The following DNAAF11 variants were observed in gnomAD, a reference collection of about 807,000 sequenced individuals.
The protein encoded by DNAAF11 is leucine rich repeat containing 6.
In DNAAF11, 45 loss-of-function variants were observed where a neutral mutation model predicts 60.8. That is an observed-to-expected ratio of 0.74 (90% confidence interval 0.58 to 0.95). DNAAF11 has a LOEUF of 0.95. DNAAF11 is among the 40% of genes least tolerant of loss of function. The probability of loss-of-function intolerance (pLI) is 0.00; values close to 1 mark genes in which losing one functional copy is unlikely to be tolerated. For synonymous variants in DNAAF11, 191 were observed against 183.5 expected, an observed-to-expected ratio of 1.04 and a Z score of -0.33; for missense variants, 546 against 546.2, an observed-to-expected ratio of 1.00 and a Z score of 0.00.
At chr8:132,697,940 T>C in the DNAAF11 span, among the ~76,000 whole-genome samples, 2 of 152,118 alleles carry the variant, frequency 1.3e-5, no homozygotes, top group East Asian at 3.9e-4. Flanking sequence ...ACAATAAGAA[T>C]GGGACAGAAA....
chr8:132,694,168 G>A, the DNAAF11 span, among the ~76,000 whole-genome samples: 4 of 152,296 alleles, frequency 2.6e-5, no homozygotes, highest in East Asian at 7.7e-4. Flanking sequence ...CCAACTGAAG[G>A]ATCCTGTGCA....
At chr8:132,620,131 G>C (rs1819608496) in intron 7 of DNAAF11, among the ~76,000 whole-genome samples, 1 of 152,112 alleles carries the variant, frequency 6.6e-6, no homozygotes, top group African/African-American at 2.4e-5. Context: ...AAGATTGCCA[G>C]AGTCCATCTG....
In DNAAF11 at chr8:132,622,705, G is replaced by C. The variant is rs1328731142; in HGVS notation, c.837-17C>G. 14 of 1,566,252 alleles carry C rather than the reference G, an allele frequency of 8.9e-6. No individual in the cohort carries two copies. The highest frequency in any genetic ancestry group is 1.1e-5 in the Non-Finnish European group (13 of 1,137,426). ...TTTTTTTCACTTAAGATTGGTGGTG[G>C]ATGAGAACAATGGGCAGCATGGAAA... On this transcript the variant is annotated splice_polypyrimidine_tract_variant and intron_variant, in intron 6 of 11. Transcript: ENST00000620350.
At chr8:132,699,134 G>GA in the DNAAF11 span, among the ~76,000 whole-genome samples, 420 of 133,720 alleles carry the variant, frequency 3.1e-3, 1 homozygote, top group African/African-American at 9.1e-3. Flanking sequence ...GTCTCAAAAA[G>GA]AAAAAAAAAA....
the DNAAF11 span, among the ~76,000 whole-genome samples, chr8:132,682,255 A>T: frequency 3.9e-5 from 6 of 152,272 alleles, no homozygotes; most frequent in South Asian, 1.2e-3. Context: ...TGGACCCCTG[A>T]GGCTCCATGT....
At chr8:132,671,985 A>G (rs1002453137) in intron 1 of DNAAF11, among the ~76,000 whole-genome samples, 5 of 152,182 alleles carry the variant, frequency 3.3e-5, no homozygotes, top group African/African-American at 1.2e-4. Flanking sequence ...ATCAAAAGCA[A>G]GATCTATAAA....
intron 10 of DNAAF11, among the ~76,000 whole-genome samples, chr8:132,592,962 G>A (rs1010262671): frequency 3.9e-5 from 6 of 152,022 alleles, no homozygotes; most frequent in Admixed American, 6.6e-5. Flanking sequence ...TTAAAAGTCC[G>A]TCATATTTAG....
Position 132,572,271 on chromosome 8 carries a change from G to A in DNAAF11, c.*35C>T. 1 of 1,592,348 alleles carries A rather than the reference G, an allele frequency of 6.3e-7. No homozygotes were observed. The highest frequency in any genetic ancestry group is 8.6e-7 in the Non-Finnish European group (1 of 1,169,008). ...TCTACACCAACCAAAACTGGACCTG[G>A]TGGGTCTCAGCCAATGGCAACGCAG... On this transcript the variant is annotated 3_prime_UTR_variant, in exon 12 of 12. Coordinates refer to ENST00000620350, the MANE Select transcript of DNAAF11 (RefSeq NM_012472.6).
intron 11 of DNAAF11, among the ~76,000 whole-genome samples, chr8:132,581,712 G>A (rs1472020294): frequency 1.3e-5 from 2 of 150,708 alleles, no homozygotes; most frequent in African/African-American, 4.9e-5. Flanking sequence ...CAAGCCTGAG[G>A]TTTCATAATC....
chr8:132,658,147 C>A (rs1204287690), intron 2 of DNAAF11, among the ~76,000 whole-genome samples: 1 of 152,112 alleles, frequency 6.6e-6, no homozygotes, highest in Non-Finnish European at 1.5e-5. Context: ...TTTCCATAGA[C>A]CTGAACATAA....
At chr8:132,701,097 A>G in the DNAAF11 span, among the ~76,000 whole-genome samples, 2 of 152,174 alleles carry the variant, frequency 1.3e-5, no homozygotes, top group African/African-American at 4.8e-5. Flanking sequence ...AACCTTGTCT[A>G]TGAAGAGGGA....
chr8:132,620,932 G>A (rs549808295), intron 7 of DNAAF11, among the ~76,000 whole-genome samples: 3 of 152,248 alleles, frequency 2.0e-5, no homozygotes, highest in East Asian at 3.9e-4. Flanking sequence ...GAGAGGCCAG[G>A]GCTTCTGGTG....
At chr8:132,640,421 T>C (rs951594596) in intron 3 of DNAAF11, among the ~76,000 whole-genome samples, 1 of 152,202 alleles carries the variant, frequency 6.6e-6, no homozygotes, top group South Asian at 2.1e-4. Flanking sequence ...CTCGTACTCC[T>C]ATTTCCAAAT....
At chr8:132,698,810 G>A in the DNAAF11 span, among the ~76,000 whole-genome samples, 3 of 152,142 alleles carry the variant, frequency 2.0e-5, no homozygotes, top group Non-Finnish European at 4.4e-5. Flanking sequence ...GACTGGGCAC[G>A]ATGGTGCACA....
chr8:132,649,735 G>GACA (rs537310988), intron 3 of DNAAF11, among the ~76,000 whole-genome samples: 172 of 152,302 alleles, frequency 1.1e-3, no homozygotes, highest in Non-Finnish European at 2.0e-3. Context: ...CTCAAAAGAA[G>GACA]ACATTTATGC....
intron 2 of DNAAF11, among the ~76,000 whole-genome samples, chr8:132,657,351 T>A (rs1355293976): frequency 6.6e-6 from 1 of 152,198 alleles, no homozygotes; most frequent in Non-Finnish European, 1.5e-5. Flanking sequence ...AGGGTTCTTA[T>A]CTCTTTTTCC....
chr8:132,622,274 G>A (rs16904713), intron 7 of DNAAF11, among the ~76,000 whole-genome samples: 6,403 of 152,196 alleles, frequency 0.042, 434 homozygotes, highest in African/African-American at 0.14. Flanking sequence ...GCTTGCTCAT[G>A]GCAGAGTTTT....
At chr8:132,669,515 G>A (rs534629869) in intron 1 of DNAAF11, among the ~76,000 whole-genome samples, 1 of 152,210 alleles carries the variant, frequency 6.6e-6, no homozygotes, top group African/African-American at 2.4e-5. Flanking sequence ...ATATTGTATT[G>A]TATAAAGGCT....
intron 4 of DNAAF11, among the ~76,000 whole-genome samples, chr8:132,637,256 A>G (rs1053492205): frequency 2.0e-5 from 3 of 152,154 alleles, no homozygotes; most frequent in Admixed American, 6.5e-5. Context: ...ACCCTGGGGG[A>G]GGAGCACAGC....
Sources: allele counts gnomAD v4.1 joint callset (sites outside exome capture counted in the v4.1 genomes callset), GRCh38; gene constraint gnomAD v4.1.1; transcripts MANE v1.5; gene names NCBI Gene and HGNC (gene_info 2026-07-23, HGNC 2026-07-21).